Variants in IGF2BP2 observed in about 807,000 individuals in gnomAD.
IGF2BP2 encodes the protein insulin-like growth factor 2 mRNA-binding protein 2.
A neutral mutation model predicts 75.8 loss-of-function variants in IGF2BP2; 17 were observed. The ratio of observed to expected loss-of-function variants is 0.22; its 90% confidence interval spans 0.15 to 0.34. The LOEUF (loss-of-function observed/expected upper bound fraction) is 0.34, where lower values mean the gene tolerates loss of function less well. IGF2BP2 is among the 10% of genes least tolerant of loss of function. The pLI is 1.00. For synonymous variants in IGF2BP2, 288 were observed against 295.6 expected (o/e 0.97, Z 0.26); for missense variants, 516 against 772.4 (o/e 0.67, Z 3.93).
intron 11 of IGF2BP2, 40 bp downstream of exon 11, chr3:185,658,301 G>A (rs753597875): frequency 4.4e-6 from 7 of 1,585,224 alleles, no homozygotes; most frequent in Admixed American, 1.7e-5. Flanking sequence ...CCTAGCCCCA[G>A]GAGAAGTGGC....
At position 185,658,360 on chromosome 3, in the gene IGF2BP2, G is replaced by A. The variant is rs141112109; in HGVS notation, c.1250C>T (p.Pro417Leu). The A allele has an allele frequency of 3.4e-4, 550 of 1,613,800 alleles. 3 individuals carry two copies. Among genetic ancestry groups the A allele is most frequent in the Admixed American group, 1.0e-4 (6 of 59,980 alleles). ...ACTTACAGAGTGATGATGCGGGAAC[G>A]GGCCAAACTGGTGATGGGGGTACAG... Reference protein sequence around the residue: ...SSLYPHHQFGPFPHHHSYPEQ... With the variant: ...SSLYPHHQFGLFPHHHSYPEQ... The change falls in exon 11 of 16, where the codon CCG becomes CTG. Residue 417 changes from proline to leucine, a missense_variant. Transcript: ENST00000382199.
chr3:185,823,337 C>A, intron 1 of IGF2BP2, 124 bp from the exon 2 acceptor site: 1 of 597,668 alleles, frequency 1.7e-6, no homozygotes, highest in Non-Finnish European at 2.8e-6. Flanking sequence ...GGGTCTCCTA[C>A]CCGGATCGAG....
intron 2 of IGF2BP2, among the ~76,000 whole-genome samples, chr3:185,730,726 T>C (rs73175566): frequency 0.027 from 4,103 of 152,248 alleles, 77 homozygotes; most frequent in Non-Finnish European, 0.034. Context: ...TTTTATACAA[T>C]GGTTCCCTTT....
intron 2 of IGF2BP2, among the ~76,000 whole-genome samples, chr3:185,735,920 CGGG>C (rs909214550): frequency 6.6e-6 from 1 of 152,022 alleles, no homozygotes; most frequent in African/African-American, 2.4e-5. Context: ...CCACAGAAAA[CGGG>C]GGAGAAGATT....
intron 2 of IGF2BP2, among the ~76,000 whole-genome samples, chr3:185,712,069 C>A (rs1023726643): frequency 6.6e-6 from 1 of 152,316 alleles, no homozygotes; most frequent in South Asian, 2.1e-4. Context: ...GGAGCCAGCA[C>A]TGAATCAGGA....
Position 185,645,770 on chromosome 3 carries a change from C to G in IGF2BP2, c.1708-147G>C. On this transcript the variant is annotated intron_variant, in intron 15 of 15. Coordinates refer to ENST00000382199, the MANE Select transcript of IGF2BP2 (RefSeq NM_006548.6). This position sits in a 1 kb window ranked among gnomAD's most constrained non-coding sequence, Gnocchi z 4.9. ...CATCTACCCACCCCCGCACGTTACT[C>G]CAGGCCCTTTTCTGCCTGGAAGTAA... is the stretch of plus-strand genomic sequence containing the variant. 3 of 628,792 alleles carry G rather than the reference C, an allele frequency of 4.8e-6. No homozygotes were observed. The highest frequency in any genetic ancestry group is 5.4e-5 in the Admixed American group (2 of 36,842). The allele number at this position is 628,792 out of a possible 1,614,324, so 39.0% of individuals were successfully genotyped here.
chr3:185,819,407 T>G (rs563998115), intron 2 of IGF2BP2, among the ~76,000 whole-genome samples: 1 of 152,270 alleles, frequency 6.6e-6, no homozygotes, highest in African/African-American at 2.4e-5. Flanking sequence ...AATTAAATGA[T>G]TTAAAAGCAT....
chr3:185,789,407 C>T (rs750290975), intron 2 of IGF2BP2, among the ~76,000 whole-genome samples: 8 of 152,062 alleles, frequency 5.3e-5, no homozygotes, highest in Admixed American at 2.6e-4. Context: ...CAAACTTAAG[C>T]TGGGGGAAAA....
chr3:185,794,732 C>T (rs1421931033), intron 2 of IGF2BP2, among the ~76,000 whole-genome samples: 1 of 151,620 alleles, frequency 6.6e-6, no homozygotes, highest in Non-Finnish European at 1.5e-5. Flanking sequence ...TACATTCATG[C>T]CATTGTGTAA....
At chr3:185,658,974 G>C (rs1013623410) in intron 10 of IGF2BP2, among the ~76,000 whole-genome samples, 1 of 152,148 alleles carries the variant, frequency 6.6e-6, no homozygotes, top group Non-Finnish European at 1.5e-5. Context: ...CTGAGCTTTG[G>C]GAATCTGAAA....
intron 2 of IGF2BP2, chr3:185,712,546 G>C (rs560255354): frequency 6.6e-6 from 1 of 152,056 alleles, no homozygotes; most frequent in Non-Finnish European, 1.5e-5. Flanking sequence ...GCTCTACCAC[G>C]ATGCTGAGTC....
chr3:185,696,337 C>T (rs1372621730), intron 4 of IGF2BP2: 2 of 389,148 alleles, frequency 5.1e-6, no homozygotes, highest in East Asian at 4.0e-5. Flanking sequence ...AGCCTGACAG[C>T]GTTTGTCAGT....
At chr3:185,824,217 C>G (rs1229541120) in intron 1 of IGF2BP2, among the ~76,000 whole-genome samples, 1 of 97,600 alleles carries the variant, frequency 1.0e-5, no homozygotes, top group Non-Finnish European at 2.1e-5. Flanking sequence ...AGGGTGGCGC[C>G]GAGGGGGTGC....
At chr3:185,807,728 T>A (rs1739209765) in intron 2 of IGF2BP2, among the ~76,000 whole-genome samples, 1 of 152,238 alleles carries the variant, frequency 6.6e-6, no homozygotes, top group Non-Finnish European at 1.5e-5. Context: ...GAAAAGGTGA[T>A]GTCACTCTCC....
intron 2 of IGF2BP2, among the ~76,000 whole-genome samples, chr3:185,745,456 C>A (rs1730131130): frequency 6.6e-6 from 1 of 152,158 alleles, no homozygotes. Context: ...CAAAACTCTG[C>A]CTGTTAACTG....
chr3:185,820,870 A>T, intron 2 of IGF2BP2: 1 of 674,012 alleles, frequency 1.5e-6, no homozygotes, highest in Non-Finnish European at 2.3e-6. Flanking sequence ...TTTCATTTCA[A>T]CTAACACAAA....
At chr3:185,807,884 G>A (rs968422262) in intron 2 of IGF2BP2, among the ~76,000 whole-genome samples, 4 of 152,140 alleles carry the variant, frequency 2.6e-5, no homozygotes, top group African/African-American at 9.7e-5. Context: ...GCCACAGATG[G>A]CAGCTTGACT....
rs546150063 is a variant in IGF2BP2, at chr3:185,804,957, C to T, written c.239+18196G>A. Among the ~76,000 whole-genome samples the T allele has an allele frequency of 9.3e-5, 14 of 149,986 alleles. No individual in the cohort carries two copies. The East Asian group carries it at 2.4e-3, about 25-fold the overall frequency. ...GCAGTGAGCCAAGATGGCGCCACTG[C>T]ACTCCAGCCTGGGTGACAGAGCAAG... On this transcript the variant is annotated intron_variant, in intron 2 of 15. Coordinates refer to ENST00000382199, the MANE Select transcript of IGF2BP2 (RefSeq NM_006548.6).
chr3:185,734,081 G>C (rs1728544433), intron 2 of IGF2BP2, among the ~76,000 whole-genome samples: 1 of 152,176 alleles, frequency 6.6e-6, no homozygotes, highest in Non-Finnish European at 1.5e-5. Context: ...CGCCACAAGA[G>C]GGTGCACATT....
Sources: allele counts gnomAD v4.1 joint callset (sites outside exome capture counted in the v4.1 genomes callset), GRCh38; gene constraint gnomAD v4.1.1; non-coding constraint Gnocchi (gnomAD v3.1); transcripts MANE v1.5; gene names NCBI Gene and HGNC (gene_info 2026-07-23, HGNC 2026-07-21).